The following GALNT18 variants were observed in gnomAD, a reference collection of about 807,000 sequenced individuals.
GALNT18 encodes the protein polypeptide N-acetylgalactosaminyltransferase 18.
A neutral mutation model predicts 69.5 loss-of-function variants in GALNT18; 44 were observed. The ratio of observed to expected loss-of-function variants is 0.63; its 90% confidence interval spans 0.50 to 0.81. The LOEUF (loss-of-function observed/expected upper bound fraction) is 0.81. Ranked by LOEUF, GALNT18 falls within the 40% of genes least tolerant of loss-of-function variation. GALNT18 has a pLI of 0.00. For missense variants in GALNT18, 715 were observed against 810.0 expected, an observed-to-expected ratio of 0.88 and a Z score of 1.42; for synonymous variants, 364 against 318.2, an observed-to-expected ratio of 1.14 and a Z score of -1.53.
At chr11:11,362,322 A>G (rs1850661032) in intron 6 of GALNT18, among the ~76,000 whole-genome samples, 1 of 152,212 alleles carries the variant, frequency 6.6e-6, no homozygotes, top group Non-Finnish European at 1.5e-5. Context: ...GTTTGCTTAC[A>G]TTAAACAGAA....
chr11:11,275,007 T>A (rs1448846303), intron 10 of GALNT18, among the ~76,000 whole-genome samples: 2 of 152,256 alleles, frequency 1.3e-5, no homozygotes, highest in African/African-American at 4.8e-5. Context: ...ACAATAAACA[T>A]ACATGTGCAT....
intron 1 of GALNT18, among the ~76,000 whole-genome samples, chr11:11,526,666 T>C (rs113491990): frequency 5.8e-4 from 89 of 152,322 alleles, no homozygotes; most frequent in African/African-American, 1.9e-3. Context: ...TCTCTGCTCC[T>C]GTGTCATCAT....
intron 2 of GALNT18, among the ~76,000 whole-genome samples, chr11:11,446,063 CG>C (rs1308523163): frequency 6.6e-6 from 1 of 152,118 alleles, no homozygotes; most frequent in Non-Finnish European, 1.5e-5. Flanking sequence ...AATGGTGGGC[CG>C]ATGTCAAAGC....
chr11:11,374,296 C>G lies in GALNT18; in HGVS notation c.978-1667G>C, dbSNP rs140118995. On this transcript the variant is annotated intron_variant, in intron 5 of 10. Transcript: ENST00000227756. ...CCTCTCTGAGCCTCCGATTCCATAT[C>G]TGTAACATAGGATCTATTCTAACCT... Among the ~76,000 whole-genome samples the G allele has an allele frequency of 3.2e-4, 49 of 152,324 alleles. No individual in the cohort carries two copies. In the East Asian group the frequency reaches 7.7e-3, roughly 24 times the overall value.
chr11:11,355,421 A>T (rs1236155243), intron 6 of GALNT18, among the ~76,000 whole-genome samples: 1 of 152,194 alleles, frequency 6.6e-6, no homozygotes, highest in Non-Finnish European at 1.5e-5. Context: ...TTAAACATGC[A>T]CAAAAAATTC....
In GALNT18 at chr11:11,377,224, G is replaced by C; in HGVS notation, c.935C>G (p.Pro312Arg). 3 of 1,613,670 alleles carry C rather than the reference G, an allele frequency of 1.9e-6. No homozygotes were observed. The highest frequency in any genetic ancestry group is 2.5e-6 in the Non-Finnish European group (3 of 1,180,022). The stretch of plus-strand genomic sequence containing the variant: ...GTTCTCCAGCTTCCACCAGGCCTTG[G>C]GGGGATTTAGGTAGCGGCACCACAG... ...WELWCRYLNP[P>R]KAWWKLENST... The change falls in exon 5 of 11, where the codon CCC becomes CGC. Residue 312 changes from proline to arginine, a missense_variant. Transcript: ENST00000227756. The surrounding 1 kb of genome is among the most constrained non-coding windows in gnomAD (Gnocchi z 4.6).
chr11:11,580,901 G>A (rs150900295), intron 1 of GALNT18, among the ~76,000 whole-genome samples: 1 of 152,348 alleles, frequency 6.6e-6, no homozygotes, highest in Non-Finnish European at 1.5e-5. Flanking sequence ...GTGGCATTGT[G>A]ACTTTTGTAA....
chr11:11,359,987 A>G (rs1454812605), intron 6 of GALNT18, among the ~76,000 whole-genome samples: 1 of 152,242 alleles, frequency 6.6e-6, no homozygotes, highest in African/African-American at 2.4e-5. Context: ...AGTGATTGCC[A>G]AATAGCATAC....
chr11:11,382,466 A>T lies in GALNT18; in HGVS notation c.596-3202T>A, dbSNP rs188321804. Among the ~76,000 whole-genome samples, 2 of 152,352 alleles carry T rather than the reference A, an allele frequency of 1.3e-5. No homozygotes were observed. Among genetic ancestry groups the T allele is most frequent in the South Asian group, 4.1e-4 (2 of 4,830 alleles). Reference sequence around the variant, plus strand: ...TGACTATTAACTATTTTATATACACATAAACACACACACATACCTGTTCAC... The same window carrying T: ...TGACTATTAACTATTTTATATACACTTAAACACACACACATACCTGTTCAC... On this transcript the variant is annotated intron_variant, in intron 3 of 10. Transcript: ENST00000227756. This position sits in a 1 kb window ranked among gnomAD's most constrained non-coding sequence, Gnocchi z 4.3.
At chr11:11,306,926 T>A (rs1849588852) in intron 9 of GALNT18, among the ~76,000 whole-genome samples, 2 of 152,226 alleles carry the variant, frequency 1.3e-5, no homozygotes, top group Non-Finnish European at 2.9e-5. Context: ...TGGGCACTCG[T>A]GCATTGGTGC....
rs1445270299 is a variant in GALNT18 at position 11,546,035 on chromosome 11, G to T, written c.235+75324C>A. Among the ~76,000 whole-genome samples, 1 of 152,054 alleles carries T rather than the reference G, an allele frequency of 6.6e-6. No individual in the cohort carries two copies. The highest frequency in any genetic ancestry group is 2.4e-5 in the African/African-American group (1 of 41,396). On this transcript the variant is annotated intron_variant, in intron 1 of 10. Transcript: ENST00000227756. The surrounding 1 kb of genome is among the most constrained non-coding windows in gnomAD (Gnocchi z 5.8). ...GGAGGTTCCCAGCTTTAGAACATTGGCAAACAAGCAGGATTAGGCCCCTCT... is the reference window on the plus strand; with the variant it reads ...GGAGGTTCCCAGCTTTAGAACATTGTCAAACAAGCAGGATTAGGCCCCTCT...
At chr11:11,570,168 A>G (rs1240893859) in intron 1 of GALNT18, 1 of 152,292 alleles carries the variant, frequency 6.6e-6, no homozygotes, top group African/African-American at 2.4e-5. Context: ...CACTGGGCTG[A>G]GCACACCGTG....
intron 2 of GALNT18, among the ~76,000 whole-genome samples, chr11:11,438,429 T>C (rs1353940619): frequency 6.6e-6 from 1 of 152,210 alleles, no homozygotes; most frequent in African/African-American, 2.4e-5. Context: ...AAAACTTCCA[T>C]TTACTGTTTA....
At chr11:11,336,428 C>T (rs548090639) in intron 7 of GALNT18, among the ~76,000 whole-genome samples, 3 of 152,150 alleles carry the variant, frequency 2.0e-5, no homozygotes, top group Non-Finnish European at 4.4e-5. Context: ...AAGGAAAGTA[C>T]AGGGCATAAA....
intron 9 of GALNT18, among the ~76,000 whole-genome samples, chr11:11,319,257 T>C (rs908004572): frequency 6.6e-6 from 1 of 152,196 alleles, no homozygotes; most frequent in Admixed American, 6.5e-5. Flanking sequence ...CTGGCTGAAA[T>C]CCAAGTCATG....
At position 11,469,094 on chromosome 11, in the gene GALNT18, C is replaced by A. The variant is rs553529230; in HGVS notation, c.236-20158G>T. Among the ~76,000 whole-genome samples, 1 of 152,306 alleles carries A rather than the reference C, an allele frequency of 6.6e-6. No individual in the cohort carries two copies. Among genetic ancestry groups the A allele is most frequent in the South Asian group, 2.1e-4 (1 of 4,818 alleles). On this transcript the variant is annotated intron_variant, in intron 1 of 10. Coordinates refer to ENST00000227756, the MANE Select transcript of GALNT18 (RefSeq NM_198516.3). This position sits in a 1 kb window ranked among gnomAD's most constrained non-coding sequence, Gnocchi z 4.2. Reference sequence around the variant, plus strand: ...GATGAGGCCACCAGGACACAGCACTCTTTAACCACGTCACTGTGAATCAGC... The same window carrying A: ...GATGAGGCCACCAGGACACAGCACTATTTAACCACGTCACTGTGAATCAGC...
rs952024644 is a variant in GALNT18 at position 11,480,278 on chromosome 11, C to T, written c.236-31342G>A. On this transcript the variant is annotated intron_variant, in intron 1 of 10. Transcript: ENST00000227756. The surrounding 1 kb of genome is among the most constrained non-coding windows in gnomAD (Gnocchi z 4.6). ...TCTCTCTCTCTCTTTCTCTCTCTCT[C>T]GCCCCCCTCGCCCCAACCTCAGTCA... is the stretch of plus-strand genomic sequence containing the variant. 2.0e-5 allele frequency among the ~76,000 whole-genome samples: 3 copies of T among 152,176 alleles called. No individual in the cohort carries two copies. Among genetic ancestry groups the T allele is most frequent in the South Asian group, 2.1e-4 (1 of 4,816 alleles).
At chr11:11,298,679 C>G (rs895518739) in intron 9 of GALNT18, among the ~76,000 whole-genome samples, 4 of 152,226 alleles carry the variant, frequency 2.6e-5, no homozygotes, top group Admixed American at 1.3e-4. Context: ...AAGAAGGGGT[C>G]TCAGGGGCCA....
intron 1 of GALNT18, among the ~76,000 whole-genome samples, chr11:11,571,253 C>G (rs1363416496): frequency 6.6e-6 from 1 of 152,180 alleles, no homozygotes; most frequent in African/African-American, 2.4e-5. Flanking sequence ...GACCCTTGGG[C>G]TGTGTGTATA....
Sources: gnomAD v4.1 joint callset for allele counts (sites outside exome capture counted in the v4.1 genomes callset) on GRCh38, gnomAD v4.1.1 for gene constraint, Gnocchi (gnomAD v3.1) non-coding constraint, MANE v1.5 for transcripts, NCBI Gene and HGNC (gene_info 2026-07-23, HGNC 2026-07-21) for gene names.